HBS1L: variants seen among roughly 807,000 people sequenced by gnomAD.
The protein encoded by HBS1L is HBS1-like protein.
In HBS1L, 55 loss-of-function variants were observed where a neutral mutation model predicts 88.9. That is an observed-to-expected ratio of 0.62 (90% CI 0.50 to 0.77). HBS1L has a LOEUF of 0.77. HBS1L is among the 30% of genes least tolerant of loss of function. The pLI, the probability that HBS1L is intolerant of heterozygous loss-of-function variation, is 0.00. For synonymous variants in HBS1L, 267 were observed against 288.5 expected (o/e 0.93, Z 0.76); for missense variants, 741 against 829.3 (o/e 0.89, Z 1.31).
At chr6:135,051,310 A>C (rs1777076692) in intron 1 of HBS1L, among the ~76,000 whole-genome samples, 1 of 152,064 alleles carries the variant, frequency 6.6e-6, no homozygotes, top group Non-Finnish European at 1.5e-5. Context: ...TTTTTTCACC[A>C]TGTGCCCTCT....
At chr6:135,032,829 G>GTTAT (rs1776425843) in intron 4 of HBS1L, among the ~76,000 whole-genome samples, 1 of 152,032 alleles carries the variant, frequency 6.6e-6, no homozygotes, top group African/African-American at 2.4e-5. Context: ...ACTGACTATA[G>GTTAT]TTATTAATAC....
rs373467368 is a variant in HBS1L at position 135,008,599 on chromosome 6, A to G, written c.431-5757T>C. 1.4e-3 allele frequency among the ~76,000 whole-genome samples: 214 copies of G among 152,296 alleles called. 2 individuals carry two copies. The South Asian group carries it at 0.021, about 15-fold the overall frequency. On this transcript the variant is annotated intron_variant, in intron 4 of 17. Transcript: ENST00000367837. ...ATAGATTCTAGGTTTTCTCTTGAAC[A>G]TGAAATGATGTAGGTCTTTGGTCCT...
chr6:135,007,741 A>G (rs975216138), intron 4 of HBS1L, among the ~76,000 whole-genome samples: 1 of 152,220 alleles, frequency 6.6e-6, no homozygotes, highest in African/African-American at 2.4e-5. Context: ...CATATTTTTT[A>G]AAATGTAAAA....
At chr6:134,967,057 A>G (rs1175710942) in intron 16 of HBS1L, among the ~76,000 whole-genome samples, 1 of 152,202 alleles carries the variant, frequency 6.6e-6, no homozygotes, top group East Asian at 1.9e-4. Flanking sequence ...GACAAAAATC[A>G]CATAAGTAGC....
At chr6:135,003,002 GA>G (rs1368959119) in intron 4 of HBS1L, among the ~76,000 whole-genome samples, 160 bp from the exon 5 acceptor site, 1 of 152,072 alleles carries the variant, frequency 6.6e-6, no homozygotes, top group Non-Finnish European at 1.5e-5. Context: ...TATTAATGCT[GA>G]AAGAAATTCT....
chr6:135,022,786 C>T (rs919814941), intron 4 of HBS1L, among the ~76,000 whole-genome samples: 1 of 152,006 alleles, frequency 6.6e-6, no homozygotes, highest in African/African-American at 2.4e-5. Context: ...ATTTTAAGTG[C>T]ATTATTGAAA....
At chr6:135,023,717 C>G (rs1423885030) in intron 4 of HBS1L, among the ~76,000 whole-genome samples, 2 of 152,008 alleles carry the variant, frequency 1.3e-5, no homozygotes, top group East Asian at 3.8e-4. Flanking sequence ...TATAGGTAGA[C>G]CACTATTACA....
chr6:135,028,957 G>A (rs1021335223), intron 4 of HBS1L, among the ~76,000 whole-genome samples: 1 of 151,626 alleles, frequency 6.6e-6, no homozygotes, highest in Non-Finnish European at 1.5e-5. Context: ...ACTATAAAAA[G>A]GAGTGAAAAA....
At chr6:135,036,484 T>C (rs2114893409) in intron 4 of HBS1L, 2 of 1,385,520 alleles carry the variant, frequency 1.4e-6, no homozygotes, top group South Asian at 1.9e-5. Context: ...AATCCCATAA[T>C]ATAAAGTGAT....
intron 8 of HBS1L, among the ~76,000 whole-genome samples, chr6:134,988,479 C>G (rs1460937540): frequency 1.4e-5 from 2 of 147,678 alleles, no homozygotes; most frequent in Non-Finnish European, 3.0e-5. Flanking sequence ...CAAAACAAAG[C>G]AAGAAGACAT....
intron 5 of HBS1L, among the ~76,000 whole-genome samples, chr6:135,001,220 C>A (rs1775445573): frequency 6.6e-6 from 1 of 152,140 alleles, no homozygotes; most frequent in Admixed American, 6.5e-5. Flanking sequence ...CATTAACAGT[C>A]CCTGGCCTCA....
chr6:134,976,301 T>C (rs1774640875), intron 15 of HBS1L, among the ~76,000 whole-genome samples: 1 of 152,194 alleles, frequency 6.6e-6, no homozygotes, highest in African/African-American at 2.4e-5. Context: ...ACTTGTGCAC[T>C]GCTGGTAGGA....
chr6:135,016,667 T>C (rs558804001), intron 4 of HBS1L, among the ~76,000 whole-genome samples: 1 of 152,360 alleles, frequency 6.6e-6, no homozygotes, highest in South Asian at 2.1e-4. Flanking sequence ...TATTCTCATG[T>C]AGCATATACT....
chr6:135,025,945 T>C (rs1776214370), intron 4 of HBS1L, among the ~76,000 whole-genome samples: 1 of 152,106 alleles, frequency 6.6e-6, no homozygotes, highest in Non-Finnish European at 1.5e-5. Context: ...GGAAACTCTG[T>C]AGAAATAAAA....
At position 134,969,269 on chromosome 6, in the gene HBS1L, T is replaced by G. The variant is rs561523830; in HGVS notation, c.1867A>C (p.Ser623Arg). 176 of 1,613,506 alleles carry G rather than the reference T, an allele frequency of 1.1e-4. 2 individuals are homozygous for G. The South Asian group carries it at 1.8e-3, about 16-fold the overall frequency. Residue 623 changes from serine (S) to arginine (R), a missense_variant, in exon 16 of 18, where the codon AGC becomes CGC. Ser to Arg is a moderately radical substitution (Grantham distance 110). This residue lies in a region of HBS1L where 181 missense variants were observed against 212.7 expected (regional missense o/e 0.85). Transcript: ENST00000367837. ...IKRLISVLNK[S>R]TGEVTKKKPK... ...TTTTTCTTTGTGACTTCACCCGTGC[T>G]TTTGTTTAAGACACTAATCAATCGT...
chr6:135,008,632 T>C (rs1398587947), intron 4 of HBS1L, among the ~76,000 whole-genome samples: 1 of 152,196 alleles, frequency 6.6e-6, no homozygotes, highest in East Asian at 1.9e-4. Flanking sequence ...CCTGAAGATT[T>C]TTTTTTCAAT....
intron 15 of HBS1L, 23 bp downstream of exon 15, chr6:134,978,656 T>A: frequency 7.8e-7 from 1 of 1,276,170 alleles, no homozygotes; most frequent in Non-Finnish European, 1.1e-6. Context: ...AAAACAGGAA[T>A]AATAAAACAT....
At chr6:135,023,260 C>T (rs888255288) in intron 4 of HBS1L, among the ~76,000 whole-genome samples, 3 of 151,838 alleles carry the variant, frequency 2.0e-5, no homozygotes, top group East Asian at 1.9e-4. Context: ...CTGGCTAACA[C>T]GGTGAAACCC....
rs76737681 is a variant in HBS1L at position 135,044,587 on chromosome 6, A to G, written c.110-2461T>C. On this transcript the variant is annotated intron_variant, in intron 2 of 17. Transcript: ENST00000367837. ...ATCAAATGACATCTTAGCATTACATAATACTTAGACTGATAGCCTTTTGTT... is the reference window on the plus strand; with the variant it reads ...ATCAAATGACATCTTAGCATTACATGATACTTAGACTGATAGCCTTTTGTT... 5.9e-3 allele frequency among the ~76,000 whole-genome samples: 897 copies of G among 152,302 alleles called. 9 individuals carry two copies. Among genetic ancestry groups the G allele is most frequent in the African/African-American group, 0.017 (721 of 41,560 alleles).
Sources: allele counts gnomAD v4.1 joint callset (sites outside exome capture counted in the v4.1 genomes callset), GRCh38; gene constraint gnomAD v4.1.1; regional missense constraint gnomAD v4.1.1; transcripts MANE v1.5; gene names NCBI Gene and HGNC (gene_info 2026-07-23, HGNC 2026-07-21).